Variants in KIAA0825 observed in about 807,000 individuals in gnomAD.
KIAA0825 encodes the protein KIAA0825, also known as uncharacterized protein KIAA0825.
In KIAA0825, 119 loss-of-function variants were observed where a neutral mutation model predicts 147.6. The observed-to-expected ratio is 0.81, with a 90% CI of 0.69 to 0.94. The LOEUF is 0.94. Ranked by LOEUF, KIAA0825 falls within the 40% of genes least tolerant of loss-of-function variation. The probability of loss-of-function intolerance (pLI) is 0.00; values close to 1 mark genes in which losing one functional copy is unlikely to be tolerated. For missense variants in KIAA0825, 1,381 were observed against 1,472.7 expected, an observed-to-expected ratio of 0.94 and a Z score of 1.02; for synonymous variants, 470 against 518.1, an observed-to-expected ratio of 0.91 and a Z score of 1.26.
intron 10 of KIAA0825, among the ~76,000 whole-genome samples, chr5:94,468,106 C>T (rs1446401664): frequency 2.6e-5 from 4 of 152,118 alleles, no homozygotes; most frequent in East Asian, 1.9e-4. Context: ...TGGTTATTTC[C>T]GTCTTTGAAG....
intron 20 of KIAA0825, among the ~76,000 whole-genome samples, chr5:94,273,024 C>G (rs1777062172): frequency 6.6e-6 from 1 of 152,084 alleles, no homozygotes; most frequent in Non-Finnish European, 1.5e-5. Context: ...AAATATTGTC[C>G]TATATGGATA....
At chr5:94,591,299 A>G (rs1215371989) in intron 1 of KIAA0825, among the ~76,000 whole-genome samples, 3 of 152,194 alleles carry the variant, frequency 2.0e-5, no homozygotes, top group African/African-American at 4.8e-5. Flanking sequence ...AACACAATCA[A>G]TTGAAGGTTT....
At chr5:94,300,615 AAAC>A (rs1237936139) in intron 20 of KIAA0825, among the ~76,000 whole-genome samples, 1 of 152,194 alleles carries the variant, frequency 6.6e-6, no homozygotes, top group Admixed American at 6.5e-5. Context: ...GTTTATAAAA[AAAC>A]TTCCAAAATC....
chr5:94,403,857 C>G, intron 15 of KIAA0825, 64 bp from the exon 16 acceptor site: 1 of 1,351,520 alleles, frequency 7.4e-7, no homozygotes, highest in Non-Finnish European at 1.0e-6. Flanking sequence ...CCTTGCTCAA[C>G]TAGAATTCAG....
chr5:94,583,879 C>T (rs149405916), intron 1 of KIAA0825, among the ~76,000 whole-genome samples: 5 of 152,248 alleles, frequency 3.3e-5, no homozygotes, highest in East Asian at 1.9e-4. Flanking sequence ...ACTGGTGATA[C>T]ACAGGCGAAC....
At chr5:94,207,179 A>G (rs965059556) in intron 20 of KIAA0825, among the ~76,000 whole-genome samples, 1 of 152,136 alleles carries the variant, frequency 6.6e-6, no homozygotes, top group African/African-American at 2.4e-5. Flanking sequence ...GCAGTATCAT[A>G]CTCTGTTCTA....
chr5:94,585,921 A>G (rs559124133), intron 1 of KIAA0825, among the ~76,000 whole-genome samples: 2 of 152,340 alleles, frequency 1.3e-5, no homozygotes, highest in South Asian at 4.1e-4. Context: ...GAAACTGAAC[A>G]ACCTGCTCCT....
chr5:94,495,556 A>T (rs1764257805), intron 5 of KIAA0825, among the ~76,000 whole-genome samples: 2 of 152,226 alleles, frequency 1.3e-5, no homozygotes, highest in Admixed American at 1.3e-4. Context: ...ACAGAGTCAG[A>T]TCTGAAAGCA....
At chr5:94,439,026 C>G (rs1325959643) in intron 14 of KIAA0825, among the ~76,000 whole-genome samples, 1 of 152,122 alleles carries the variant, frequency 6.6e-6, no homozygotes, top group Admixed American at 6.6e-5. Context: ...TTGTTTATGG[C>G]AGGTCTTTAA....
intron 5 of KIAA0825, among the ~76,000 whole-genome samples, chr5:94,512,354 A>C (rs1322370084): frequency 6.6e-6 from 1 of 152,156 alleles, no homozygotes. Flanking sequence ...CGTTTATAAT[A>C]GCCCATTGGA....
At chr5:94,590,229 A>T (rs375270741) in intron 1 of KIAA0825, among the ~76,000 whole-genome samples, 1 of 152,126 alleles carries the variant, frequency 6.6e-6, no homozygotes, top group African/African-American at 2.4e-5. Flanking sequence ...TCCCAACCTC[A>T]AGTGATCTGT....
chr5:94,397,302 C>T (rs542425781), intron 16 of KIAA0825, among the ~76,000 whole-genome samples: 2 of 152,248 alleles, frequency 1.3e-5, no homozygotes, highest in African/African-American at 4.8e-5. Context: ...ATGCTATTTC[C>T]ACTTTCTATT....
Position 94,192,168 on chromosome 5 carries a change from A to G in KIAA0825, c.3711-38044T>C, listed in dbSNP as rs1770728310. ...CAACTTCCCACGGGAAAGAAAATAA[A>G]AAAGCTCTGTGACATCGCTGCCTCT... On this transcript the variant is annotated intron_variant, in intron 20 of 20. Coordinates refer to ENST00000682413, the MANE Select transcript of KIAA0825 (RefSeq NM_001145678.3). Among the ~76,000 whole-genome samples the G allele has an allele frequency of 1.3e-5, 2 of 152,258 alleles. 1 individual carries two copies. The highest frequency in any genetic ancestry group is 4.1e-4 in the South Asian group (2 of 4,834).
chr5:94,527,214 A>C (rs960457136), intron 3 of KIAA0825, among the ~76,000 whole-genome samples: 10 of 152,104 alleles, frequency 6.6e-5, no homozygotes, highest in Admixed American at 1.3e-4. Context: ...AAAGGCTGAG[A>C]TGTCCTACTA....
intron 13 of KIAA0825, among the ~76,000 whole-genome samples, chr5:94,451,156 C>G (rs1330433535): frequency 6.6e-6 from 1 of 152,192 alleles, no homozygotes; most frequent in Admixed American, 6.5e-5. Context: ...TTCATCATTA[C>G]TAATCTCAAT....
At chr5:94,232,526 G>T (rs1416415641) in intron 20 of KIAA0825, among the ~76,000 whole-genome samples, 2 of 2,416 alleles carry the variant, frequency 8.3e-4, no homozygotes, top group African/African-American at 1.7e-3. Flanking sequence ...AAACTACTTG[G>T]GTTTACTTTT....
Position 94,168,054 on chromosome 5 carries a change from T to C in KIAA0825, c.3711-13930A>G, listed in dbSNP as rs1020649201. Among the ~76,000 whole-genome samples, 16 of 149,834 alleles carry C rather than the reference T, an allele frequency of 1.1e-4. 1 individual carries two copies. In the South Asian group the frequency reaches 2.9e-3, roughly 27 times the overall value. On this transcript the variant is annotated intron_variant, in intron 20 of 20. Coordinates refer to ENST00000682413, the MANE Select transcript of KIAA0825 (RefSeq NM_001145678.3). ...ATATAATAAAATATATAGAAATACA[T>C]AGAAATAAATATAATAGATATAAAC...
intron 20 of KIAA0825, among the ~76,000 whole-genome samples, chr5:94,297,876 G>A (rs867033153): frequency 2.0e-5 from 3 of 150,770 alleles, no homozygotes; most frequent in Non-Finnish European, 4.4e-5. Flanking sequence ...GATTACAGGC[G>A]TGAGCCACCA....
At chr5:94,161,749 A>G (rs543009567) in intron 20 of KIAA0825, among the ~76,000 whole-genome samples, 1 of 152,310 alleles carries the variant, frequency 6.6e-6, no homozygotes, top group African/African-American at 2.4e-5. Flanking sequence ...TTTTTCAAAT[A>G]GAAAAGAGAT....
Sources: gnomAD v4.1 joint callset for allele counts (sites outside exome capture counted in the v4.1 genomes callset) on GRCh38, gnomAD v4.1.1 for gene constraint, MANE v1.5 for transcripts, NCBI Gene and HGNC (gene_info 2026-07-23, HGNC 2026-07-21) for gene names.